Variants in ARHGAP24 observed in about 807,000 individuals in gnomAD.
ARHGAP24 encodes Rho GTPase activating protein 24, also known as rho GTPase-activating protein 24.
A neutral mutation model predicts 76.4 loss-of-function variants in ARHGAP24; 50 were observed. The observed-to-expected ratio is 0.65, with a 90% CI of 0.52 to 0.83. The LOEUF (loss-of-function observed/expected upper bound fraction) is 0.83, where lower values mean the gene tolerates loss of function less well. Among genes scored for constraint, ARHGAP24 ranks in the 40% least tolerant of loss-of-function variants. The pLI, the probability that ARHGAP24 is intolerant of heterozygous loss-of-function variation, is 0.00. For missense variants in ARHGAP24, 930 were observed against 914.2 expected (o/e 1.02, Z -0.22); for synonymous variants, 345 against 323.3 (o/e 1.07, Z -0.72).
chr4:85,791,687 G>C (rs933580450), intron 3 of ARHGAP24, among the ~76,000 whole-genome samples: 1 of 152,186 alleles, frequency 6.6e-6, no homozygotes, highest in Non-Finnish European at 1.5e-5. Context: ...TGAGGTGCTT[G>C]AGTGACTATG....
At chr4:85,541,940 G>A (rs960875101) in intron 1 of ARHGAP24, among the ~76,000 whole-genome samples, 1 of 152,170 alleles carries the variant, frequency 6.6e-6, no homozygotes, top group African/African-American at 2.4e-5. Flanking sequence ...CAAATTTCTA[G>A]ACTTAGAGTT....
At chr4:85,507,488 T>C (rs1564553) in intron 1 of ARHGAP24, among the ~76,000 whole-genome samples, 143,385 of 152,280 alleles carry the variant, frequency 0.94, 67,812 homozygotes, top group East Asian at 1. Context: ...GTATTTAGTG[T>C]GTATTTGTGA....
chr4:85,908,086 C>T (rs1316504602), intron 3 of ARHGAP24, among the ~76,000 whole-genome samples: 1 of 152,158 alleles, frequency 6.6e-6, no homozygotes, highest in Non-Finnish European at 1.5e-5. Context: ...GCACACTAAT[C>T]CTCACATGTC....
chr4:85,535,688 A>G (rs1725441660), intron 1 of ARHGAP24, among the ~76,000 whole-genome samples: 3 of 152,152 alleles, frequency 2.0e-5, no homozygotes, highest in Non-Finnish European at 2.9e-5. Context: ...CAAAGAGACT[A>G]CGGTGGAGTT....
At chr4:85,758,928 T>C (rs1726630743) in intron 3 of ARHGAP24, among the ~76,000 whole-genome samples, 1 of 152,190 alleles carries the variant, frequency 6.6e-6, no homozygotes, top group South Asian at 2.1e-4. Flanking sequence ...TGATGAGGCT[T>C]GAATATGAAA....
chr4:85,952,506 G>A (rs1354991412), intron 5 of ARHGAP24, among the ~76,000 whole-genome samples: 1 of 152,204 alleles, frequency 6.6e-6, no homozygotes, highest in Non-Finnish European at 1.5e-5. Context: ...ACTTTGTCCT[G>A]TGTGAGGGAA....
At chr4:85,642,627 A>T (rs1168146621) in intron 2 of ARHGAP24, among the ~76,000 whole-genome samples, 1 of 152,136 alleles carries the variant, frequency 6.6e-6, no homozygotes, top group Non-Finnish European at 1.5e-5. Context: ...TGCAGGCTCC[A>T]CTTTCAAAAT....
chr4:85,754,150 G>A (rs1167177999), intron 3 of ARHGAP24, among the ~76,000 whole-genome samples: 1 of 152,008 alleles, frequency 6.6e-6, no homozygotes, highest in African/African-American at 2.4e-5. Context: ...CCACTTCTTT[G>A]GCTTCCACAT....
intron 1 of ARHGAP24, among the ~76,000 whole-genome samples, chr4:85,545,922 AT>A (rs1408005399): frequency 6.6e-6 from 1 of 152,204 alleles, no homozygotes; most frequent in Non-Finnish European, 1.5e-5. Context: ...TAGAAATTAC[AT>A]TTACATAATA....
chr4:85,582,408 C>T (rs936299364), intron 2 of ARHGAP24, among the ~76,000 whole-genome samples: 6 of 151,932 alleles, frequency 3.9e-5, no homozygotes, highest in Admixed American at 6.6e-5. Context: ...ATGTTATCTC[C>T]GTTTTTGACT....
At chr4:85,752,571 A>G (rs2110067530) in intron 3 of ARHGAP24, among the ~76,000 whole-genome samples, 1 of 152,306 alleles carries the variant, frequency 6.6e-6, no homozygotes, top group East Asian at 1.9e-4. Context: ...TTTACAGATG[A>G]GAAAAGTGAC....
chr4:85,561,254 C>T (rs928778584), intron 1 of ARHGAP24, among the ~76,000 whole-genome samples: 1 of 152,132 alleles, frequency 6.6e-6, no homozygotes, highest in African/African-American at 2.4e-5. Context: ...CCATGATGTC[C>T]AGGCAGTGGG....
At chr4:85,665,763 C>T (rs1266355501) in intron 2 of ARHGAP24, among the ~76,000 whole-genome samples, 7 of 152,108 alleles carry the variant, frequency 4.6e-5, no homozygotes, top group African/African-American at 9.7e-5. Flanking sequence ...TTTATTTCTC[C>T]TTCACTTATG....
chr4:85,711,663 A>G (rs1724532121), intron 2 of ARHGAP24, among the ~76,000 whole-genome samples: 1 of 152,160 alleles, frequency 6.6e-6, no homozygotes, highest in Non-Finnish European at 1.5e-5. Flanking sequence ...AAAATTATTA[A>G]CGTAGCTATA....
intron 2 of ARHGAP24, among the ~76,000 whole-genome samples, chr4:85,642,661 T>A (rs1312985389): frequency 6.6e-6 from 1 of 151,724 alleles, no homozygotes; most frequent in Non-Finnish European, 1.5e-5. Context: ...TAACATTTCT[T>A]ACACTTCTAC....
chr4:85,992,033 T>C (rs983294171), intron 8 of ARHGAP24: 1 of 396,034 alleles, frequency 2.5e-6, no homozygotes, highest in Non-Finnish European at 4.5e-6. Flanking sequence ...TAAAATTATA[T>C]GGTTCAGGGA....
intron 1 of ARHGAP24, among the ~76,000 whole-genome samples, chr4:85,528,497 A>G (rs1725114063): frequency 6.6e-6 from 1 of 152,130 alleles, no homozygotes; most frequent in South Asian, 2.1e-4. Context: ...TCAGATGGCA[A>G]TTGTAACAAC....
At chr4:85,934,257 C>T (rs913061148) in intron 4 of ARHGAP24, among the ~76,000 whole-genome samples, 3 of 152,322 alleles carry the variant, frequency 2.0e-5, no homozygotes, top group Middle Eastern at 3.4e-3. Context: ...GGCCCTCTAA[C>T]AAATTCTAAC....
intron 2 of ARHGAP24, among the ~76,000 whole-genome samples, chr4:85,586,096 G>A (rs140731623): frequency 3.3e-5 from 5 of 152,248 alleles, no homozygotes; most frequent in Admixed American, 3.3e-4. Flanking sequence ...AGGTCAAGTG[G>A]ATGCCTCTTG....
Sources: allele counts gnomAD v4.1 joint callset (sites outside exome capture counted in the v4.1 genomes callset), GRCh38; gene constraint gnomAD v4.1.1; transcripts MANE v1.5; gene names NCBI Gene and HGNC (gene_info 2026-07-23, HGNC 2026-07-21).